The following A1CF variants were observed in gnomAD, a reference collection of about 807,000 sequenced individuals.
The protein encoded by A1CF is APOBEC-1 stimulating protein.
In A1CF, 48 loss-of-function variants were observed where a neutral mutation model predicts 68.9. The ratio of observed to expected loss-of-function variants is 0.70; its 90% confidence interval spans 0.55 to 0.89. The LOEUF (loss-of-function observed/expected upper bound fraction) is 0.89, where lower values mean the gene tolerates loss of function less well. Ranked by LOEUF, A1CF falls within the 40% of genes least tolerant of loss-of-function variation. A1CF has a pLI of 0.00. For synonymous variants in A1CF, 272 were observed against 260.4 expected, an observed-to-expected ratio of 1.04 and a Z score of -0.43; for missense variants, 653 against 718.9, an observed-to-expected ratio of 0.91 and a Z score of 1.05.
intron 3 of A1CF, among the ~76,000 whole-genome samples, chr10:50,850,186 G>C (rs779090838): frequency 2.0e-5 from 3 of 152,280 alleles, no homozygotes; most frequent in Admixed American, 2.0e-4. Context: ...AAACAACTAT[G>C]AGTAAATTAT....
chr10:50,874,553 G>A (rs1386801250), intron 1 of A1CF, among the ~76,000 whole-genome samples: 3 of 152,102 alleles, frequency 2.0e-5, no homozygotes, highest in African/African-American at 7.2e-5. Context: ...GCAATAGTAC[G>A]AGATTTAACT....
intron 1 of A1CF, among the ~76,000 whole-genome samples, chr10:50,867,278 C>T (rs1490870354): frequency 1.3e-5 from 2 of 151,830 alleles, no homozygotes; most frequent in Non-Finnish European, 2.9e-5. Flanking sequence ...CCTAAGTATC[C>T]ATCAACAATT....
At chr10:50,821,522 A>C (rs1838671228) in intron 7 of A1CF, among the ~76,000 whole-genome samples, 1 of 150,256 alleles carries the variant, frequency 6.7e-6, no homozygotes, top group Admixed American at 6.8e-5. Flanking sequence ...ATGTTGTTAC[A>C]TGGAAAGATT....
intron 3 of A1CF, among the ~76,000 whole-genome samples, chr10:50,848,192 G>C (rs1263298376): frequency 1.3e-5 from 2 of 152,066 alleles, no homozygotes; most frequent in Admixed American, 1.3e-4. Flanking sequence ...GTAAACAGCA[G>C]AGAAAAAATA....
chr10:50,861,862 C>T (rs1840762860), intron 2 of A1CF, among the ~76,000 whole-genome samples: 1 of 148,180 alleles, frequency 6.7e-6, no homozygotes, highest in African/African-American at 2.5e-5. Flanking sequence ...ATTTATAATA[C>T]TACTATTAGT....
rs138073287 is a variant in A1CF at position 50,836,174 on chromosome 10, G to C, written c.504C>G (p.Val168=). The change falls in exon 6 of 13, where the codon GTC becomes GTG. Residue 168 remains valine, a synonymous_variant. Coordinates refer to ENST00000373997, the MANE Select transcript of A1CF (RefSeq NM_014576.4). The part of the protein sequence containing the change: ...KVTEGVVDVI[V]YPSAADKTKN... ...TGGTTTTATCTGCAGCGCTTGGGTA[G>C]ACGATGACATCGACAACACCTTCAG... 66 of 1,613,884 alleles carry C rather than the reference G, an allele frequency of 4.1e-5. No individual in the cohort carries two copies. The highest frequency in any genetic ancestry group is 8.0e-5 in the African/African-American group (6 of 74,916).
At chr10:50,875,407 G>A (rs1841463503) in intron 1 of A1CF, among the ~76,000 whole-genome samples, 4 of 152,166 alleles carry the variant, frequency 2.6e-5, no homozygotes, top group Admixed American at 1.3e-4. Context: ...CTTGTTGTGT[G>A]GTTCTATGTA....
intron 9 of A1CF, among the ~76,000 whole-genome samples, chr10:50,815,248 C>A (rs1398005523): frequency 6.6e-6 from 1 of 152,124 alleles, no homozygotes; most frequent in African/African-American, 2.4e-5. Flanking sequence ...AAGCTAGTTT[C>A]TTGGAAATAG....
chr10:50,809,261 C>A (rs756818502), intron 12 of A1CF, among the ~76,000 whole-genome samples: 1 of 152,142 alleles, frequency 6.6e-6, no homozygotes, highest in Non-Finnish European at 1.5e-5. Flanking sequence ...TGAGTTGAGT[C>A]CTGATTATTC....
Position 50,806,638 on chromosome 10 carries a change from T to C in A1CF, c.*91A>G. On this transcript the variant is annotated 3_prime_UTR_variant, in exon 13 of 13. Coordinates refer to ENST00000373997, the MANE Select transcript of A1CF (RefSeq NM_014576.4). ...GCATTTCTTTAGGAAACATATTATTTATGATCATTGGGGACCGAGTTAGAG... is the reference window on the plus strand; with the variant it reads ...GCATTTCTTTAGGAAACATATTATTCATGATCATTGGGGACCGAGTTAGAG... 8.1e-7 allele frequency: 1 copy of C among 1,235,330 alleles called. No homozygotes were observed. Among genetic ancestry groups the C allele is most frequent in the Non-Finnish European group, 1.1e-6 (1 of 918,078 alleles). The allele number at this position is 1,235,330 out of a possible 1,614,324, so 76.5% of individuals were successfully genotyped here. A position where few individuals can be genotyped will look rare whatever the true frequency, so the allele number is the denominator to read the frequency against.
At chr10:50,855,366 A>G in intron 3 of A1CF, among the ~76,000 whole-genome samples, 1 of 152,130 alleles carries the variant, frequency 6.6e-6, no homozygotes, top group East Asian at 1.9e-4. Flanking sequence ...TCACATGTTA[A>G]TACTGCAGCA....
intron 7 of A1CF, chr10:50,824,298 G>A (rs1838815970): frequency 6.6e-6 from 1 of 152,096 alleles, no homozygotes; most frequent in Non-Finnish European, 1.5e-5. Flanking sequence ...GACTGGGAAA[G>A]CTGATAATCA....
At position 50,814,012 on chromosome 10, in the gene A1CF, C is replaced by T. The variant is rs41274050; in HGVS notation, c.1168G>A (p.Gly390Ser). The T allele has an allele frequency of 7.7e-3, 12,481 of 1,613,676 alleles. 58 individuals carry two copies. Among genetic ancestry groups the T allele is most frequent in the Non-Finnish European group, 9.6e-3 (11,311 of 1,179,794 alleles). The change falls in exon 10 of 13, where the codon GGC becomes AGC. Residue 390 changes from glycine (G) to serine (S), a missense_variant. Physicochemically the swap from Gly to Ser is moderately conservative, Grantham distance 56. Transcript: ENST00000373997. ...CCTGTGTATGCCAAATAGCCACGGC[C>T]GCCCAGTCCTCTCACTCCCGCAGCC... ...RGAAGVRGLG[G>S]RGYLAYTGLG...
chr10:50,822,380 A>G (rs1838717944), intron 7 of A1CF, among the ~76,000 whole-genome samples: 1 of 152,178 alleles, frequency 6.6e-6, no homozygotes, highest in Admixed American at 6.5e-5. Context: ...GGGAGACAAC[A>G]TAGGATGAGA....
At chr10:50,815,451 T>G (rs919131430) in intron 9 of A1CF, among the ~76,000 whole-genome samples, 1 of 152,186 alleles carries the variant, frequency 6.6e-6, no homozygotes, top group African/African-American at 2.4e-5. Context: ...CCTTAATTAT[T>G]TGGCTTCTAA....
At chr10:50,806,977 T>C (rs1011546783) in intron 12 of A1CF, 97 bp from the exon 13 acceptor site, 91 of 1,260,296 alleles carry the variant, frequency 7.2e-5, no homozygotes, top group Admixed American at 1.2e-4. Flanking sequence ...ATTTAACATA[T>C]TGCTTAAAGC....
At chr10:50,811,883 G>A (rs1020489553) in intron 10 of A1CF, among the ~76,000 whole-genome samples, 1 of 151,956 alleles carries the variant, frequency 6.6e-6, no homozygotes, top group Non-Finnish European at 1.5e-5. Context: ...GCCATTTTTG[G>A]TTGTCCAGAG....
At chr10:50,884,605 A>G (rs1465685563) in intron 1 of A1CF, among the ~76,000 whole-genome samples, 4 of 152,238 alleles carry the variant, frequency 2.6e-5, no homozygotes, top group African/African-American at 9.6e-5. Context: ...TGAATTTGCC[A>G]AAATACGATC....
chr10:50,816,841 G>T (rs898459004), intron 8 of A1CF, among the ~76,000 whole-genome samples: 1 of 152,210 alleles, frequency 6.6e-6, no homozygotes. Context: ...GGAGAAGAGA[G>T]ACATACTGTG....
Sources: allele counts gnomAD v4.1 joint callset (sites outside exome capture counted in the v4.1 genomes callset), GRCh38; gene constraint gnomAD v4.1.1; transcripts MANE v1.5; gene names NCBI Gene and HGNC (gene_info 2026-07-23, HGNC 2026-07-21).